Variants in FNDC3B observed in about 807,000 individuals in gnomAD.
The protein encoded by FNDC3B is fibronectin type III domain-containing protein 3B.
Under a neutral mutation model 151.5 loss-of-function variants are expected in FNDC3B, and 12 were observed. The observed-to-expected ratio is 0.08, with a 90% CI of 0.05 to 0.13. FNDC3B has a LOEUF of 0.13. FNDC3B is among the 10% of genes least tolerant of loss of function. FNDC3B has a pLI of 1.00. For synonymous variants in FNDC3B, 528 were observed against 549.0 expected (o/e 0.96, Z 0.54); for missense variants, 1,214 against 1,505.3 (o/e 0.81, Z 3.20).
chr3:172,255,986 T>C (rs961178879), intron 6 of FNDC3B, among the ~76,000 whole-genome samples: 1 of 152,240 alleles, frequency 6.6e-6, no homozygotes, highest in Non-Finnish European at 1.5e-5. Flanking sequence ...TGTGTGATTA[T>C]TCATTTTCCT....
intron 3 of FNDC3B, among the ~76,000 whole-genome samples, chr3:172,223,190 C>T (rs1025581913): frequency 6.6e-6 from 1 of 152,104 alleles, no homozygotes; most frequent in African/African-American, 2.4e-5. Flanking sequence ...ATAGTAAACT[C>T]ACAGATTGGG....
At chr3:172,274,483 T>C (rs1310971102) in intron 6 of FNDC3B, among the ~76,000 whole-genome samples, 1 of 151,568 alleles carries the variant, frequency 6.6e-6, no homozygotes, top group Non-Finnish European at 1.5e-5. Context: ...TACTGGGTTC[T>C]TTTAGATTTT....
chr3:172,343,144 T>C, intron 18 of FNDC3B, 28 bp downstream of exon 18: 7 of 1,160,786 alleles, frequency 6.0e-6, no homozygotes, highest in Non-Finnish European at 9.1e-6. Flanking sequence ...CACATTGACA[T>C]TGACAATTTG....
chr3:172,272,202 A>G (rs547273891), intron 6 of FNDC3B, among the ~76,000 whole-genome samples: 27 of 152,340 alleles, frequency 1.8e-4, no homozygotes, highest in African/African-American at 6.5e-4. Flanking sequence ...AATAGCTATA[A>G]GAGAGTGGGG....
In FNDC3B at chr3:172,399,354, T is replaced by C. The variant is rs1319222458; in HGVS notation, c.*1879T>C. 1.3e-5 allele frequency: 2 copies of C among 152,590 alleles called. No homozygotes were observed. Among genetic ancestry groups the C allele is most frequent in the Non-Finnish European group, 2.9e-5 (2 of 68,028 alleles). 9.5% of individuals were successfully genotyped at this position (152,590 alleles called of 1,614,324 possible). A position where few individuals can be genotyped will look rare whatever the true frequency, so the allele number is the denominator to read the frequency against. The stretch of plus-strand genomic sequence containing the variant: ...TTATTAATCTTCTGACATTTTCTTA[T>C]GTTTTTAAAAAGATAAGAGCATCTA... On this transcript the variant is annotated 3_prime_UTR_variant, in exon 26 of 26. Transcript: ENST00000415807.
chr3:172,298,063 A>G (rs6795817), intron 8 of FNDC3B, among the ~76,000 whole-genome samples: 38,463 of 152,088 alleles, frequency 0.25, 5,090 homozygotes, highest in East Asian at 0.33. Context: ...TTAATTTGGA[A>G]CAATTCCACA....
At chr3:172,345,259 G>A (rs1252512269) in intron 19 of FNDC3B, among the ~76,000 whole-genome samples, 1 of 152,182 alleles carries the variant, frequency 6.6e-6, no homozygotes, top group Non-Finnish European at 1.5e-5. Context: ...TAACGCCTAT[G>A]TACCTGAACT....
In FNDC3B at chr3:172,211,740, G is replaced by T. The variant is rs9868872; in HGVS notation, c.188-15131G>T. 1.5e-3 allele frequency among the ~76,000 whole-genome samples: 231 copies of T among 152,268 alleles called. 1 individual carries two copies. The highest frequency in any genetic ancestry group is 2.1e-3 in the Non-Finnish European group (145 of 68,022). On this transcript the variant is annotated intron_variant, in intron 3 of 25. Transcript: ENST00000415807. ...TTGAAAAAGGGGAAACCCTTTACCAGTTAGGATTATTAAAAAATGGAATTT... is the reference window on the plus strand; with the variant it reads ...TTGAAAAAGGGGAAACCCTTTACCATTTAGGATTATTAAAAAATGGAATTT...
chr3:172,151,245 C>T (rs1032913970), intron 3 of FNDC3B, among the ~76,000 whole-genome samples: 2 of 152,340 alleles, frequency 1.3e-5, no homozygotes, highest in African/African-American at 4.8e-5. Flanking sequence ...AGTGCTACCA[C>T]TTCCGTGTGT....
In FNDC3B at chr3:172,239,661, G is replaced by A. The variant is rs191107843; in HGVS notation, c.265-7872G>A. Among the ~76,000 whole-genome samples, 237 of 151,730 alleles carry A rather than the reference G, an allele frequency of 1.6e-3. 1 individual carries two copies. The highest frequency in any genetic ancestry group is 5.5e-3 in the African/African-American group (228 of 41,366). On this transcript the variant is annotated intron_variant, in intron 4 of 25. Transcript: ENST00000415807. ...TCAAGCTTCTCTTTTGATTCTTGTG[G>A]CTTGTAGTCCAACAAGAGTAGAAGG...
chr3:172,272,700 C>T (rs1411517828), intron 6 of FNDC3B, among the ~76,000 whole-genome samples: 3 of 152,198 alleles, frequency 2.0e-5, no homozygotes, highest in African/African-American at 7.2e-5. Flanking sequence ...TAATTTCTTT[C>T]TTTCCACTCT....
rs139243005 is a variant in FNDC3B, at chr3:172,054,717, AG to A, written c.-29+14952del. Among the ~76,000 whole-genome samples, 28 of 152,198 alleles carry A rather than the reference AG, an allele frequency of 1.8e-4. No individual in the cohort carries two copies. In the East Asian group the frequency reaches 4.4e-3, roughly 24 times the overall value. On this transcript the variant is annotated intron_variant, in intron 1 of 25. Transcript: ENST00000415807. ...GTAAGTGCTAAAAATGCCCCTGAAC[AG>A]GGGGGTAGGGGGTGCAGCACCTCCA... is the stretch of plus-strand genomic sequence containing the variant.
chr3:172,389,230 A>G (rs796710758), intron 25 of FNDC3B, among the ~76,000 whole-genome samples: 1 of 152,238 alleles, frequency 6.6e-6, no homozygotes, highest in Admixed American at 6.5e-5. Flanking sequence ...TCCACATGCA[A>G]CCATTTAGTT....
At chr3:172,341,260 C>A (rs1437759509) in intron 17 of FNDC3B, 29 bp downstream of exon 17, 3 of 1,484,248 alleles carry the variant, frequency 2.0e-6, no homozygotes, top group Admixed American at 1.7e-5. Flanking sequence ...TGAAAGTAAA[C>A]CTCATTGATC....
At chr3:172,300,530 C>T (rs754629008) in intron 9 of FNDC3B, among the ~76,000 whole-genome samples, 13 of 151,892 alleles carry the variant, frequency 8.6e-5, no homozygotes, top group Non-Finnish European at 1.6e-4. Context: ...CTATTTTTAC[C>T]GACAAAACCT....
intron 22 of FNDC3B, among the ~76,000 whole-genome samples, chr3:172,353,869 T>G (rs1198428848): frequency 3.3e-5 from 5 of 152,104 alleles, no homozygotes; most frequent in Non-Finnish European, 5.9e-5. Context: ...ATTGGGAGAA[T>G]GCCACCTTTT....
intron 4 of FNDC3B, among the ~76,000 whole-genome samples, chr3:172,245,427 G>A (rs954202652): frequency 1.3e-5 from 2 of 151,916 alleles, no homozygotes; most frequent in Non-Finnish European, 2.9e-5. Flanking sequence ...ATTGAATGAA[G>A]GTTCCATGAA....
At chr3:172,303,022 A>G (rs1560067078) in intron 9 of FNDC3B, 1 of 151,968 alleles carries the variant, frequency 6.6e-6, no homozygotes, top group Admixed American at 6.6e-5. Flanking sequence ...ACTTATATAT[A>G]TATAAATATG....
At chr3:172,135,196 G>A (rs181173610) in intron 3 of FNDC3B, among the ~76,000 whole-genome samples, 1 of 152,118 alleles carries the variant, frequency 6.6e-6, no homozygotes, top group Admixed American at 6.5e-5. Context: ...GGATGAACAT[G>A]CATTAAAATC....
Sources: gnomAD v4.1 joint callset for allele counts (sites outside exome capture counted in the v4.1 genomes callset) on GRCh38, gnomAD v4.1.1 for gene constraint, MANE v1.5 for transcripts, NCBI Gene and HGNC (gene_info 2026-07-23, HGNC 2026-07-21) for gene names.